Variants in C16orf96 observed in about 807,000 individuals in gnomAD.
C16orf96 encodes the protein uncharacterized protein C16orf96.
Under a neutral mutation model 103.6 loss-of-function variants are expected in C16orf96, and 108 were observed. The ratio of observed to expected loss-of-function variants is 1.04; its 90% CI spans 0.89 to 1.22. C16orf96 has a LOEUF of 1.22. Ranked by LOEUF, C16orf96 falls within the 50% of genes most tolerant of loss-of-function variation. C16orf96 has a pLI of 0.00. For synonymous variants in C16orf96, 566 were observed against 593.5 expected (o/e 0.95, Z 0.67); for missense variants, 1,586 against 1,464.2 (o/e 1.08, Z -1.36).
intron 15 of C16orf96, among the ~76,000 whole-genome samples, chr16:4,599,894 T>C (rs1897248133): frequency 6.6e-6 from 1 of 152,264 alleles, no homozygotes; most frequent in South Asian, 2.1e-4. Flanking sequence ...AAGCAAACAT[T>C]CCTGGTGTCA....
intron 7 of C16orf96, 118 bp downstream of exon 7, chr16:4,580,243 A>T: frequency 2.8e-6 from 2 of 707,022 alleles, no homozygotes; most frequent in Non-Finnish European, 4.4e-6. Flanking sequence ...GCTGGGAACC[A>T]GTGGGGCTTT....
At chr16:4,567,754 A>C (rs1479873711) in intron 1 of C16orf96, among the ~76,000 whole-genome samples, 1 of 117,902 alleles carries the variant, frequency 8.5e-6, no homozygotes. Flanking sequence ...GATGGAGTGC[A>C]ATGGCATGAC....
intron 1 of C16orf96, among the ~76,000 whole-genome samples, chr16:4,566,501 G>A (rs1229609383): frequency 6.6e-6 from 1 of 152,128 alleles, no homozygotes. Flanking sequence ...TGTCTATTCA[G>A]ATCTTTGCCC....
chr16:4,547,689 C>CTTTCTTTCTTTCTTTCT, the C16orf96 span, among the ~76,000 whole-genome samples: 15 of 22,586 alleles, frequency 6.6e-4, no homozygotes, highest in African/African-American at 1.2e-3. Flanking sequence ...TCCTTCCTTC[C>CTTTCTTTCTTTCTTTCT]TTCTTTCTTT....
intron 14 of C16orf96, among the ~76,000 whole-genome samples, chr16:4,598,976 G>A (rs1212472859): frequency 1.3e-5 from 2 of 151,868 alleles, no homozygotes; most frequent in Admixed American, 6.6e-5. Flanking sequence ...ACAATTAACC[G>A]GGAGTAGTGG....
chr16:4,560,184 A>C (rs1214242372), intron 1 of C16orf96: 4 of 150,898 alleles, frequency 2.7e-5, no homozygotes, highest in Non-Finnish European at 5.9e-5. Context: ...TGCCTGGCTA[A>C]TTTTTCTTTG....
intron 14 of C16orf96, among the ~76,000 whole-genome samples, chr16:4,598,574 C>A (rs1323674468): frequency 6.6e-6 from 1 of 151,808 alleles, no homozygotes. Context: ...GAATTGTGCA[C>A]TTTAAACTGG....
chr16:4,563,006 CAT>C (rs1567439119), intron 1 of C16orf96: 3 of 1,077,136 alleles, frequency 2.8e-6, no homozygotes, highest in East Asian at 4.8e-5. Flanking sequence ...CAATCTGAAA[CAT>C]GTTACCATCT....
intron 2 of C16orf96, among the ~76,000 whole-genome samples, chr16:4,573,918 C>T (rs989187981): frequency 6.6e-6 from 1 of 151,850 alleles, no homozygotes; most frequent in Non-Finnish European, 1.5e-5. Flanking sequence ...ACTGCAACCT[C>T]TGCCTCCCGG....
chr16:4,549,406 GA>G, the C16orf96 span, among the ~76,000 whole-genome samples: 1 of 150,860 alleles, frequency 6.6e-6, no homozygotes, highest in African/African-American at 2.4e-5. Flanking sequence ...CTGGGAGGCG[GA>G]GCTCGCAGTG....
At chr16:4,588,615 T>C (rs1241688409) in intron 9 of C16orf96, among the ~76,000 whole-genome samples, 1 of 152,018 alleles carries the variant, frequency 6.6e-6, no homozygotes, top group East Asian at 1.9e-4. Context: ...GACTCTGCCT[T>C]TGGGCCACTT....
At chr16:4,552,922 T>C (rs1941540236), upstream of C16orf96, among the ~76,000 whole-genome samples, 1 of 152,224 alleles carries the variant, frequency 6.6e-6, no homozygotes, top group Non-Finnish European at 1.5e-5. Context: ...CTATCATTAA[T>C]ATGGCCCCAT....
intron 1 of C16orf96, among the ~76,000 whole-genome samples, chr16:4,561,939 G>T (rs896506987): frequency 6.6e-6 from 1 of 152,160 alleles, no homozygotes; most frequent in African/African-American, 2.4e-5. Context: ...CGAAAACAAG[G>T]GATGATGTCA....
chr16:4,574,908 G>A, intron 3 of C16orf96, 64 bp from the exon 4 acceptor site: 10 of 1,524,702 alleles, frequency 6.6e-6, no homozygotes, highest in Non-Finnish European at 8.9e-6. Context: ...AGGTTTCTTT[G>A]CAGGTGTGGG....
Position 4,591,696 on chromosome 16 carries a change from A to G in C16orf96, c.2623A>G (p.Lys875Glu). Residue 875 changes from lysine (K) to glutamate (E), a missense_variant, in exon 10 of 16, where the codon AAA becomes GAA. Coordinates refer to ENST00000444310, the MANE Select transcript of C16orf96 (RefSeq NM_001145011.2). The stretch of plus-strand genomic sequence containing the variant: ...CCACAGTGATCTGGATCCCTTGAAG[A>G]AAGAAATGGAAGAGGTCTGGAAAAT... ...LVHSDLDPLKKEMEEVWKIVR... is the reference protein window; with the variant it reads ...LVHSDLDPLKEEMEEVWKIVR... 1 of 1,551,646 alleles carries G rather than the reference A, an allele frequency of 6.4e-7. No individual in the cohort carries two copies. The highest frequency in any genetic ancestry group is 8.7e-7 in the Non-Finnish European group (1 of 1,146,962).
chr16:4,539,455 A>T, the C16orf96 span, among the ~76,000 whole-genome samples: 1 of 152,202 alleles, frequency 6.6e-6, no homozygotes, highest in Admixed American at 6.5e-5. Flanking sequence ...AGGCTGACGC[A>T]GGTGGATCAC....
intron 2 of C16orf96, among the ~76,000 whole-genome samples, chr16:4,574,418 C>T (rs942823615): frequency 1.8e-4 from 28 of 152,052 alleles, no homozygotes; most frequent in African/African-American, 4.8e-5. Context: ...GACGGTGTTT[C>T]ACCATGTTGG....
the C16orf96 span, among the ~76,000 whole-genome samples, chr16:4,544,569 G>A: frequency 5.3e-5 from 8 of 152,198 alleles, no homozygotes; most frequent in African/African-American, 1.7e-4. Flanking sequence ...TGATCACGCT[G>A]CTGCACTCCA....
At chr16:4,586,504 C>T (rs1206039961) in intron 7 of C16orf96, among the ~76,000 whole-genome samples, 2 of 152,176 alleles carry the variant, frequency 1.3e-5, no homozygotes, top group African/African-American at 4.8e-5. Flanking sequence ...GAGGCTCTTC[C>T]CAAGCTGACC....
Sources: allele counts gnomAD v4.1 joint callset (sites outside exome capture counted in the v4.1 genomes callset), GRCh38; gene constraint gnomAD v4.1.1; transcripts MANE v1.5; gene names NCBI Gene and HGNC (gene_info 2026-07-23, HGNC 2026-07-21).